Variants in RILPL2 observed in about 807,000 individuals in gnomAD.
RILPL2 encodes the protein Rab interacting lysosomal protein like 2.
Under a neutral mutation model 22.2 loss-of-function variants are expected in RILPL2, and 19 were observed. The ratio of observed to expected loss-of-function variants is 0.86; its 90% CI spans 0.60 to 1.25. The LOEUF is 1.25. Ranked by LOEUF, RILPL2 falls within the 50% of genes most tolerant of loss-of-function variation. The probability of loss-of-function intolerance (pLI) is 0.00; values close to 1 mark genes in which losing one functional copy is unlikely to be tolerated. For missense variants in RILPL2, 243 were observed against 263.6 expected, an observed-to-expected ratio of 0.92 and a Z score of 0.54; for synonymous variants, 123 against 111.6, an observed-to-expected ratio of 1.10 and a Z score of -0.64.
At chr12:123,412,050 T>C (rs976027905), downstream of RILPL2, 1 of 152,200 alleles carries the variant, frequency 6.6e-6, no homozygotes, top group Non-Finnish European at 1.5e-5. Context: ...TAACTTTTTT[T>C]AGTCTCCTGG....
At chr12:123,427,125 C>T (rs1371335508) in intron 2 of RILPL2, among the ~76,000 whole-genome samples, 3 of 152,120 alleles carry the variant, frequency 2.0e-5, no homozygotes, top group African/African-American at 7.2e-5. Flanking sequence ...TTATGGTTGG[C>T]TCTGTGGTCC....
chr12:123,418,785 AG>A, intron 3 of RILPL2, among the ~76,000 whole-genome samples: 1 of 119,454 alleles, frequency 8.4e-6, no homozygotes, highest in East Asian at 2.4e-4. Context: ...TTTTTGAGAC[AG>A]AGTCTTGCTC....
chr12:123,426,963 C>T lies in RILPL2; in HGVS notation c.491+3545G>A, dbSNP rs148252606. On this transcript the variant is annotated intron_variant, in intron 2 of 3. Transcript: ENST00000280571. Reference sequence around the variant, plus strand: ...TTTAGATCAGATCTCACTGTGTTGCCCAGGCTGGAGTGCAGTTGCTATTCA... The same window carrying T: ...TTTAGATCAGATCTCACTGTGTTGCTCAGGCTGGAGTGCAGTTGCTATTCA... Among the ~76,000 whole-genome samples, 586 of 151,594 alleles carry T rather than the reference C, an allele frequency of 3.9e-3. 6 individuals carry two copies. Among genetic ancestry groups the T allele is most frequent in the African/African-American group, 0.014 (571 of 41,330 alleles).
chr12:123,423,020 G>T (rs368034844), intron 3 of RILPL2, 24 bp downstream of exon 3: 1 of 1,512,582 alleles, frequency 6.6e-7, no homozygotes, highest in Non-Finnish European at 9.2e-7. Context: ...TGGCGGGACC[G>T]GGGGGCAGCA....
At chr12:123,409,555 T>A in the RILPL2 span, among the ~76,000 whole-genome samples, 1 of 151,290 alleles carries the variant, frequency 6.6e-6, no homozygotes, top group East Asian at 1.9e-4. Flanking sequence ...TAATGCTTTT[T>A]TTTTTTTTTT....
At chr12:123,433,104 CTTTTT>C (rs372639257) in intron 1 of RILPL2, among the ~76,000 whole-genome samples, 14 of 134,274 alleles carry the variant, frequency 1.0e-4, no homozygotes, top group Non-Finnish European at 1.9e-4. Context: ...GGTTTGTATA[CTTTTT>C]TTTTTTTTTT....
chr12:123,436,046 G>A lies in RILPL2; in HGVS notation c.339+36C>T, dbSNP rs1019711336. ...GTAGGTGCCCTCCTACGCCCCGCAGGCGCCGTGGGCCCGGAACCCTCGCTC... is the reference window on the plus strand; with the variant it reads ...GTAGGTGCCCTCCTACGCCCCGCAGACGCCGTGGGCCCGGAACCCTCGCTC... On this transcript the variant is annotated intron_variant, in intron 1 of 3. Coordinates refer to ENST00000280571, the MANE Select transcript of RILPL2 (RefSeq NM_145058.3). This position sits in a 1 kb window ranked among gnomAD's most constrained non-coding sequence, Gnocchi z 6.7. 1 of 1,543,966 alleles carries A rather than the reference G, an allele frequency of 6.5e-7. No individual in the cohort carries two copies. The highest frequency in any genetic ancestry group is 1.2e-5 in the South Asian group (1 of 84,536).
At chr12:123,432,209 A>G (rs1879672257) in intron 1 of RILPL2, among the ~76,000 whole-genome samples, 1 of 152,220 alleles carries the variant, frequency 6.6e-6, no homozygotes, top group South Asian at 2.1e-4. Flanking sequence ...ACTACAATTT[A>G]AAAAACCAAA....
intron 2 of RILPL2, among the ~76,000 whole-genome samples, chr12:123,426,670 G>A (rs577993059): frequency 1.3e-5 from 2 of 151,790 alleles, no homozygotes; most frequent in African/African-American, 2.4e-5. Flanking sequence ...GCGCGATCTC[G>A]GCTCACTGCA....
intron 3 of RILPL2, 85 bp from the exon 4 acceptor site, chr12:123,416,006 T>A: frequency 7.3e-7 from 1 of 1,361,552 alleles, no homozygotes; most frequent in East Asian, 2.3e-5. Flanking sequence ...TCTAAGTAGC[T>A]CTTGCAGCTG....
At position 123,430,493 on chromosome 12, in the gene RILPL2, G is replaced by A. The variant is rs751968299; in HGVS notation, c.491+15C>T. 7.9e-5 allele frequency: 126 copies of A among 1,598,438 alleles called. No individual in the cohort carries two copies. In the Admixed American group the frequency reaches 2.1e-3, roughly 27 times the overall value. ...CCAGGTCTGGGTGCAGGACCCTCCA[G>A]GCAGTGGAGCCCACCTCTTGTAGCA... On this transcript the variant is annotated intron_variant, in intron 2 of 3. Coordinates refer to ENST00000280571, the MANE Select transcript of RILPL2 (RefSeq NM_145058.3).
rs1026765259 is a variant in RILPL2 at position 123,423,171 on chromosome 12, C to CA, written c.492-15dup. ...GGAATCAGGCCACTGGGAAACGGGACAAAAAATAAATGGATTATTTTATTA... is the reference window on the plus strand; with the variant it reads ...GGAATCAGGCCACTGGGAAACGGGACAAAAAAATAAATGGATTATTTTATTA... On this transcript the variant is annotated splice_polypyrimidine_tract_variant and intron_variant, in intron 2 of 3. Coordinates refer to ENST00000280571, the MANE Select transcript of RILPL2 (RefSeq NM_145058.3). 12 of 1,157,980 alleles carry CA rather than the reference C, an allele frequency of 1.0e-5. No individual in the cohort carries two copies. The African/African-American group carries it at 1.6e-4, about 15-fold the overall frequency. 71.7% of individuals were successfully genotyped at this position (1,157,980 alleles called of 1,614,324 possible).
At chr12:123,422,426 G>T (rs1392111806) in intron 3 of RILPL2, among the ~76,000 whole-genome samples, 2 of 152,164 alleles carry the variant, frequency 1.3e-5, no homozygotes, top group Non-Finnish European at 2.9e-5. Flanking sequence ...TGAGGCAGGA[G>T]AACTGCTTGA....
At chr12:123,416,320 T>A (rs780964252) in intron 3 of RILPL2, among the ~76,000 whole-genome samples, 12 of 150,564 alleles carry the variant, frequency 8.0e-5, no homozygotes, top group Non-Finnish European at 1.5e-4. Context: ...CAAGACACTA[T>A]CTCAAAAGAA....
chr12:123,418,756 C>CTTTTT lies in RILPL2; in HGVS notation c.606-2840_606-2836dup, dbSNP rs1202023726. 6.4e-3 allele frequency among the ~76,000 whole-genome samples: 619 copies of CTTTTT among 96,198 alleles called. 1 individual carries two copies. Among genetic ancestry groups the CTTTTT allele is most frequent in the South Asian group, 8.3e-3 (20 of 2,396 alleles). 63.1% of individuals were successfully genotyped at this position (96,198 alleles called of 152,430 possible). ...ACTTGATTTCTTTTTCTTTTTCTTTCTTTTTTTTTTTTTTTTTTTTTTTGA... is the reference window on the plus strand; with the variant it reads ...ACTTGATTTCTTTTTCTTTTTCTTTCTTTTTTTTTTTTTTTTTTTTTTTTTTTTGA... On this transcript the variant is annotated intron_variant, in intron 3 of 3. Transcript: ENST00000280571.
intron 2 of RILPL2, among the ~76,000 whole-genome samples, chr12:123,427,176 G>A (rs998447406): frequency 3.9e-5 from 6 of 152,264 alleles, no homozygotes; most frequent in Middle Eastern, 3.4e-3. Flanking sequence ...CGTTCAGTGG[G>A]CCATTGGCGG....
downstream of RILPL2, chr12:123,413,199 CA>C (rs1050357395): frequency 3.1e-3 from 501 of 163,798 alleles, 1 homozygote; most frequent in African/African-American, 6.2e-3. Flanking sequence ...CCGTCCCCAC[CA>C]CCCCCCAAAA....
Position 123,415,919 on chromosome 12 carries a change from A to T in RILPL2, c.608T>A (p.Phe203Tyr). The T allele has an allele frequency of 1.2e-6, 2 of 1,614,182 alleles. No homozygotes were observed. Among genetic ancestry groups the T allele is most frequent in the Non-Finnish European group, 1.7e-6 (2 of 1,180,032 alleles). ...GGTCTGTTTCCCCGATCGAAAAAAG[A>T]ACCTGGTGTGGAGAGAGAGAGGGTT... The part of the protein sequence containing the change: ...KEEKTIIKKL[F>Y]FFRSGKQT Residue 203 changes from phenylalanine to tyrosine, a missense_variant and splice_region_variant, in exon 4 of 4, where the codon TTC (phenylalanine) becomes TAC (tyrosine). Transcript: ENST00000280571.
At chr12:123,416,378 G>A (rs565790744) in intron 3 of RILPL2, among the ~76,000 whole-genome samples, 44 of 152,024 alleles carry the variant, frequency 2.9e-4, no homozygotes, top group African/African-American at 1.0e-3. Context: ...GGTGGCTCAT[G>A]CCTGTAATCC....
Sources: allele counts gnomAD v4.1 joint callset (sites outside exome capture counted in the v4.1 genomes callset), GRCh38; gene constraint gnomAD v4.1.1; non-coding constraint Gnocchi (gnomAD v3.1); transcripts MANE v1.5; gene names NCBI Gene and HGNC (gene_info 2026-07-23, HGNC 2026-07-21).